The following ACSL1 variants were observed in gnomAD, a reference collection of about 807,000 sequenced individuals.
ACSL1 encodes the protein long-chain-fatty-acid--CoA ligase 1.
In ACSL1, 41 loss-of-function variants were observed where a neutral mutation model predicts 98.4. The ratio of observed to expected loss-of-function variants is 0.42; its 90% confidence interval spans 0.32 to 0.54. The LOEUF (loss-of-function observed/expected upper bound fraction) is 0.54. ACSL1 is among the 20% of genes least tolerant of loss of function. ACSL1 has a pLI of 0.13. For synonymous variants in ACSL1, 316 were observed against 322.7 expected (o/e 0.98, Z 0.22); for missense variants, 734 against 883.1 (o/e 0.83, Z 2.14).
At chr4:184,764,973 C>A in intron 14 of ACSL1, 48 bp from the exon 15 acceptor site, 1 of 1,572,750 alleles carries the variant, frequency 6.4e-7, no homozygotes, top group Non-Finnish European at 8.7e-7. Flanking sequence ...ACAATCACAC[C>A]TTTACTGGAA....
At chr4:184,760,623 C>A in intron 17 of ACSL1, 123 bp from the exon 18 acceptor site, 1 of 1,365,552 alleles carries the variant, frequency 7.3e-7, no homozygotes, top group East Asian at 2.4e-5. Flanking sequence ...TAACATCCCA[C>A]AGAGGTCAGT....
At chr4:184,771,885 G>A (rs1764568035) in intron 10 of ACSL1, among the ~76,000 whole-genome samples, 1 of 152,162 alleles carries the variant, frequency 6.6e-6, no homozygotes, top group African/African-American at 2.4e-5. Flanking sequence ...ATCTCAGCTG[G>A]ATTTTATTCA....
chr4:184,781,666 G>A (rs879351174), intron 4 of ACSL1, among the ~76,000 whole-genome samples: 1 of 151,594 alleles, frequency 6.6e-6, no homozygotes, highest in South Asian at 2.1e-4. Flanking sequence ...TGGAGTACAA[G>A]GGCATGGTCT....
chr4:184,807,257 A>G (rs1771550392), intron 1 of ACSL1, among the ~76,000 whole-genome samples: 1 of 152,234 alleles, frequency 6.6e-6, no homozygotes, highest in African/African-American at 2.4e-5. Context: ...TTCAAAATCA[A>G]ATTTCCATAT....
rs767380505 is a variant in ACSL1 at position 184,811,253 on chromosome 4, C to T, written c.-32-7707G>A. ...CCTCCGGAGTAGCTGGAACTTCAGGCACCCGCCACCACGCCTGGCTAATTT... is the reference window on the plus strand; with the variant it reads ...CCTCCGGAGTAGCTGGAACTTCAGGTACCCGCCACCACGCCTGGCTAATTT... On this transcript the variant is annotated intron_variant, in intron 1 of 20. Transcript: ENST00000281455. Among the ~76,000 whole-genome samples, 27 of 152,016 alleles carry T rather than the reference C, an allele frequency of 1.8e-4. No individual in the cohort carries two copies. In the South Asian group the frequency reaches 4.6e-3, roughly 26 times the overall value.
At chr4:184,763,435 G>A (rs761506246) in intron 15 of ACSL1, among the ~76,000 whole-genome samples, 180 bp from the exon 16 acceptor site, 9 of 152,314 alleles carry the variant, frequency 5.9e-5, no homozygotes, top group Non-Finnish European at 7.4e-5. Flanking sequence ...TTAGACTAGG[G>A]AAGAACATAT....
chr4:184,788,816 T>A, intron 2 of ACSL1, 85 bp from the exon 3 acceptor site: 1 of 978,348 alleles, frequency 1.0e-6, no homozygotes, highest in Non-Finnish European at 1.6e-6. Flanking sequence ...AATTAACATA[T>A]CCATTCCTTT....
intron 2 of ACSL1, among the ~76,000 whole-genome samples, chr4:184,789,966 G>T (rs1010347934): frequency 2.0e-5 from 3 of 151,414 alleles, no homozygotes; most frequent in African/African-American, 7.3e-5. Context: ...ACTGTGATAT[G>T]ATAACCTCTG....
At chr4:184,814,117 C>T (rs1329440277) in intron 1 of ACSL1, among the ~76,000 whole-genome samples, 2 of 151,820 alleles carry the variant, frequency 1.3e-5, no homozygotes, top group African/African-American at 4.8e-5. Flanking sequence ...GGTGAAACCC[C>T]GTCTCTACTA....
intron 2 of ACSL1, among the ~76,000 whole-genome samples, chr4:184,801,494 A>G (rs1391103908): frequency 6.6e-6 from 1 of 152,198 alleles, no homozygotes; most frequent in African/African-American, 2.4e-5. Context: ...CTTCACCGGT[A>G]CCTTATGAAG....
chr4:184,777,715 T>A (rs1765523432), intron 5 of ACSL1, among the ~76,000 whole-genome samples: 1 of 151,882 alleles, frequency 6.6e-6, no homozygotes, highest in Non-Finnish European at 1.5e-5. Context: ...AAGCCCACCA[T>A]CGGCCAAGGT....
At chr4:184,777,149 G>C (rs908024830) in intron 5 of ACSL1, among the ~76,000 whole-genome samples, 166 bp from the exon 6 acceptor site, 3 of 152,204 alleles carry the variant, frequency 2.0e-5, no homozygotes, top group Non-Finnish European at 2.9e-5. Context: ...TTCAGAATGA[G>C]AACAAAACAC....
rs570788173 is a variant in ACSL1, at chr4:184,776,109, T to G, written c.756+375A>C. Among the ~76,000 whole-genome samples the G allele has an allele frequency of 2.0e-5, 3 of 152,358 alleles. No individual in the cohort carries two copies. The East Asian group carries it at 5.8e-4, about 29-fold the overall frequency. On this transcript the variant is annotated intron_variant, in intron 7 of 20. Coordinates refer to ENST00000281455, the MANE Select transcript of ACSL1 (RefSeq NM_001995.5). ...AGAACGATGAGGCTGATTTCTATAC[T>G]TGGCTTGGCATTAGAGACAAATTAG...
At chr4:184,813,150 A>G (rs1039932141) in intron 1 of ACSL1, among the ~76,000 whole-genome samples, 13 of 152,214 alleles carry the variant, frequency 8.5e-5, no homozygotes, top group African/African-American at 2.9e-4. Context: ...GACATGCCCC[A>G]TGACGATATC....
intron 5 of ACSL1, among the ~76,000 whole-genome samples, chr4:184,779,028 A>C (rs1346626571): frequency 6.6e-6 from 1 of 152,134 alleles, no homozygotes; most frequent in Non-Finnish European, 1.5e-5. Flanking sequence ...CGATTTCTTC[A>C]AGCCAGATGC....
rs1392500206 is a variant in ACSL1 at position 184,785,600 on chromosome 4, C to CCGGGGG, written c.311-1610_311-1609insCCCCCG. Among the ~76,000 whole-genome samples, 63 of 19,186 alleles carry CCGGGGG rather than the reference C, an allele frequency of 3.3e-3. 10 individuals carry two copies. The highest frequency in any genetic ancestry group is 0.029 in the Middle Eastern group (1 of 34). The allele number at this position is 19,186 out of a possible 152,430, so 12.6% of individuals were successfully genotyped here. A position where few individuals can be genotyped will look rare whatever the true frequency, so the allele number is the denominator to read the frequency against. On this transcript the variant is annotated intron_variant, in intron 3 of 20. Coordinates refer to ENST00000281455, the MANE Select transcript of ACSL1 (RefSeq NM_001995.5). ...CTTAGAATAAAAAGATCCTCCTGGG[C>CCGGGGG]GGGGGCGGGGGGGGGGGGGGGAAGG...
chr4:184,766,576 G>C lies in ACSL1; in HGVS notation c.1263+46C>G. ...AAAGGCCCTCCCAGAACTCTGAAAA[G>C]CGAAGTCGGTTTCCATGGGAGCAGT... On this transcript the variant is annotated intron_variant, in intron 13 of 20. Coordinates refer to ENST00000281455, the MANE Select transcript of ACSL1 (RefSeq NM_001995.5). The surrounding 1 kb of genome is among the most constrained non-coding windows in gnomAD (Gnocchi z 4.8). The C allele has an allele frequency of 6.3e-7, 1 of 1,590,490 alleles. No individual in the cohort carries two copies. Among genetic ancestry groups the C allele is most frequent in the Non-Finnish European group, 8.6e-7 (1 of 1,162,938 alleles).
rs1349430933 is a variant in ACSL1, at chr4:184,766,670, G to C, written c.1215C>G (p.Ile405Met). 6.2e-7 allele frequency: 1 copy of C among 1,614,170 alleles called. No homozygotes were observed. Among genetic ancestry groups the C allele is most frequent in the Non-Finnish European group, 8.5e-7 (1 of 1,180,016 alleles). ...GGTCCCACAGGCTGTTGTTTCTGAT[G>C]ATGCCGCTGCGAAGCTCTGCTTCTT... The part of the protein sequence containing the change: ...KRKEAELRSG[I>M]IRNNSLWDRL... The change falls in exon 13 of 21, where the codon ATC becomes ATG. Residue 405 changes from isoleucine to methionine, a missense_variant. Ile to Met is a conservative substitution (Grantham distance 10). Transcript: ENST00000281455. This position sits in a 1 kb window ranked among gnomAD's most constrained non-coding sequence, Gnocchi z 4.8.
intron 1 of ACSL1, chr4:184,808,240 TACACAC>T (rs144996842): frequency 4.2e-5 from 34 of 811,506 alleles, no homozygotes; most frequent in Non-Finnish European, 5.0e-5. Context: ...TACACAAACA[TACACAC>T]ACACACACAC....
Sources: gnomAD v4.1 joint callset for allele counts (sites outside exome capture counted in the v4.1 genomes callset) on GRCh38, gnomAD v4.1.1 for gene constraint, Gnocchi (gnomAD v3.1) non-coding constraint, MANE v1.5 for transcripts, NCBI Gene and HGNC (gene_info 2026-07-23, HGNC 2026-07-21) for gene names.